Variants in RIT1 observed in about 807,000 individuals in gnomAD.
RIT1 encodes the protein Ras like without CAAX 1.
A neutral mutation model predicts 25.6 loss-of-function variants in RIT1; 6 were observed. That is an observed-to-expected ratio of 0.23 (90% confidence interval 0.13 to 0.46). The LOEUF is 0.46. RIT1 is among the 20% of genes least tolerant of loss of function. RIT1 has a pLI of 0.99. For synonymous variants in RIT1, 81 were observed against 94.1 expected, an observed-to-expected ratio of 0.86 and a Z score of 0.80; for missense variants, 219 against 284.4, an observed-to-expected ratio of 0.77 and a Z score of 1.65.
At chr1:155,907,295 A>G (rs186427960) in intron 3 of RIT1, among the ~76,000 whole-genome samples, 2 of 146,798 alleles carry the variant, frequency 1.4e-5, no homozygotes, top group East Asian at 2.0e-4. Context: ...GGCGGAGTGC[A>G]GTGGTGCAAT....
chr1:155,902,785 G>A (rs1673338784), intron 5 of RIT1, among the ~76,000 whole-genome samples: 1 of 152,038 alleles, frequency 6.6e-6, no homozygotes, highest in Admixed American at 6.6e-5. Context: ...AGAGGTTGCA[G>A]TGAGCCTAGA....
At chr1:155,905,694 A>G (rs1673422700) in intron 3 of RIT1, among the ~76,000 whole-genome samples, 1 of 152,190 alleles carries the variant, frequency 6.6e-6, no homozygotes, top group Non-Finnish European at 1.5e-5. Flanking sequence ...TGAAAATATT[A>G]ATGTCTTCTC....
intron 3 of RIT1, among the ~76,000 whole-genome samples, chr1:155,905,090 T>C (rs1673408402): frequency 6.6e-6 from 1 of 152,164 alleles, no homozygotes; most frequent in Non-Finnish European, 1.5e-5. Context: ...TTAGGCTATC[T>C]GGGCACAGTG....
chr1:155,898,778 G>T lies in RIT1; in HGVS notation c.*1610C>A. 5.2e-6 allele frequency: 1 copy of T among 191,222 alleles called. No individual in the cohort carries two copies. The highest frequency in any genetic ancestry group is 2.3e-5 in the African/African-American group (1 of 43,012). 11.8% of individuals were successfully genotyped at this position (191,222 alleles called of 1,614,324 possible). A position where few individuals can be genotyped will look rare whatever the true frequency, so the allele number is the denominator to read the frequency against. On this transcript the variant is annotated 3_prime_UTR_variant, in exon 6 of 6. Transcript: ENST00000368323. ...TGGATGGCTGAGTACCATAAAACATGATTTATTTGGTAACAAAAATGTTTC... is the reference window on the plus strand; with the variant it reads ...TGGATGGCTGAGTACCATAAAACATTATTTATTTGGTAACAAAAATGTTTC...
intron 5 of RIT1, 111 bp from the exon 6 acceptor site, chr1:155,900,729 TTC>T: frequency 1.2e-6 from 1 of 826,052 alleles, no homozygotes; most frequent in Middle Eastern, 2.3e-4. Context: ...TCTGGAGGTG[TTC>T]AAGCATACAG....
At chr1:155,910,174 C>T (rs894679967) in intron 3 of RIT1, 2 of 344,656 alleles carry the variant, frequency 5.8e-6, no homozygotes, top group Admixed American at 4.5e-5. Context: ...GAAAAGGCTT[C>T]GTTAAGTGGC....
rs1210801618 is a variant in RIT1, at chr1:155,899,526, G to A, written c.*862C>T. 4.5e-6 allele frequency: 1 copy of A among 223,952 alleles called. No homozygotes were observed. Among genetic ancestry groups the A allele is most frequent in the Admixed American group, 5.7e-5 (1 of 17,432 alleles). The allele number at this position is 223,952 out of a possible 1,614,324, so 13.9% of individuals were successfully genotyped here. A position where few individuals can be genotyped will look rare whatever the true frequency, so the allele number is the denominator to read the frequency against. On this transcript the variant is annotated 3_prime_UTR_variant, in exon 6 of 6. Coordinates refer to ENST00000368323, the MANE Select transcript of RIT1 (RefSeq NM_006912.6). Reference sequence around the variant, plus strand: ...AAGCAATGAATATAAATGTGTTGGTGTGTGCGTCTGTGGGGAAAAAATAAA... The same window carrying A: ...AAGCAATGAATATAAATGTGTTGGTATGTGCGTCTGTGGGGAAAAAATAAA...
In RIT1 at chr1:155,910,734, T is replaced by C. The variant is rs745465435; in HGVS notation, c.28A>G (p.Ser10Gly). The change falls in exon 2 of 6, where the codon AGC becomes GGC. Residue 10 changes from serine to glycine, a missense_variant. By Grantham distance (56) the Ser-to-Gly change is moderately conservative. This residue lies in a region of RIT1 where 131 missense variants were observed against 173.6 expected (regional missense o/e 0.75). Transcript: ENST00000368323. The stretch of plus-strand genomic sequence containing the variant: ...AGCCCAGCGGGGCTGCTACAGCAGC[T>C]ACCAACTGGGCGAGTTCCAGAATCC... MDSGTRPVGSCCSSPAGLSR... is the reference protein window; with the variant it reads MDSGTRPVGGCCSSPAGLSR... 7 of 1,614,254 alleles carry C rather than the reference T, an allele frequency of 4.3e-6. No homozygotes were observed. The East Asian group carries it at 6.7e-5, about 15-fold the overall frequency.
intron 5 of RIT1, among the ~76,000 whole-genome samples, chr1:155,900,826 T>A (rs1485695218): frequency 6.7e-6 from 1 of 149,314 alleles, no homozygotes; most frequent in Non-Finnish European, 1.5e-5. Flanking sequence ...TCTAGTCTAC[T>A]TTTTTTTTTG....
At position 155,899,866 on chromosome 1, in the gene RIT1, T is replaced by C. The variant is rs913805033; in HGVS notation, c.*522A>G. ...AACTTTCCCAAATCTCACCACTCCA[T>C]AGTCTGCAACAGGTGTCAGCCTCAC... On this transcript the variant is annotated 3_prime_UTR_variant, in exon 6 of 6. Transcript: ENST00000368323. 11 of 215,744 alleles carry C rather than the reference T, an allele frequency of 5.1e-5. No individual in the cohort carries two copies. Among genetic ancestry groups the C allele is most frequent in the Admixed American group, 1.6e-4 (3 of 18,184 alleles). 13.4% of individuals were successfully genotyped at this position (215,744 alleles called of 1,614,324 possible).
At chr1:155,902,575 C>T (rs548567581) in intron 5 of RIT1, among the ~76,000 whole-genome samples, 1 of 151,770 alleles carries the variant, frequency 6.6e-6, no homozygotes, top group Non-Finnish European at 1.5e-5. Context: ...GGTGTGGTGG[C>T]TCACATCTAT....
rs1330905923 is a variant in RIT1, at chr1:155,906,786, A to T, written c.164-1982T>A. Among the ~76,000 whole-genome samples the T allele has an allele frequency of 5.4e-5, 8 of 148,466 alleles. No individual in the cohort carries two copies. The East Asian group carries it at 7.8e-4, about 15-fold the overall frequency. ...TCAAAAAAAAAAAAAAAAAAAAAAG[A>T]AAAAAAGAAAAAAAAAGAAAGAAAA... On this transcript the variant is annotated intron_variant, in intron 3 of 5. Coordinates refer to ENST00000368323, the MANE Select transcript of RIT1 (RefSeq NM_006912.6).
At chr1:155,907,439 T>C (rs1439575772) in intron 3 of RIT1, among the ~76,000 whole-genome samples, 1 of 152,018 alleles carries the variant, frequency 6.6e-6, no homozygotes. Context: ...GATGGGGTTT[T>C]ACCATGTTGG....
At position 155,910,458 on chromosome 1, in the gene RIT1, G is replaced by A. The variant is rs1673568262; in HGVS notation, c.155C>T (p.Pro52Leu). ...GTGATGATCTGGCTTACCAATGGTG[G>A]GATCATGATCTTCTGGGAATCGGTG... ...ISHRFPEDHD[P>L]TIEDAYKIRI... is the part of the protein sequence containing the mutation. The change falls in exon 3 of 6, where the codon CCC becomes CTC. Residue 52 changes from proline (P) to leucine (L), a missense_variant. By Grantham distance (98) the Pro-to-Leu change is moderately conservative (BLOSUM62 -3). Transcript: ENST00000368323. The A allele has an allele frequency of 6.2e-7, 1 of 1,613,528 alleles. No homozygotes were observed. The highest frequency in any genetic ancestry group is 1.7e-5 in the Admixed American group (1 of 59,982).
chr1:155,906,730 A>T (rs1053364542), intron 3 of RIT1, among the ~76,000 whole-genome samples: 1 of 141,836 alleles, frequency 7.1e-6, no homozygotes, highest in African/African-American at 2.7e-5. Flanking sequence ...ACTGGACTCT[A>T]GCCTGGGCAA....
At chr1:155,904,861 T>C in intron 3 of RIT1, 57 bp from the exon 4 acceptor site, 1 of 1,145,378 alleles carries the variant, frequency 8.7e-7, no homozygotes, top group Non-Finnish European at 1.3e-6. Flanking sequence ...GAAATGCCTA[T>C]TTAAAACTCA....
chr1:155,900,453 G>A lies in RIT1; in HGVS notation c.595C>T (p.Pro199Ser). The A allele has an allele frequency of 1.2e-6, 2 of 1,614,046 alleles. No homozygotes were observed. ...AGCCTCTTCCATACACTGTTTTTGG[G>A]CTTAGATTTTTTCTCCATGGCCAGT... ...AVLAMEKKSK[P>S]KNSVWKRLKS... Residue 199 changes from proline to serine, a missense_variant, in exon 6 of 6, where the codon CCC (proline) becomes TCC (serine). Pro to Ser is a moderately conservative substitution (Grantham distance 74). This residue lies in a region of RIT1 where 81 missense variants were observed against 83.8 expected (regional missense o/e 0.97). Coordinates refer to ENST00000368323, the MANE Select transcript of RIT1 (RefSeq NM_006912.6).
At chr1:155,910,527 G>C (rs1673570637) in intron 2 of RIT1, 21 bp from the exon 3 acceptor site, 1 of 1,613,608 alleles carries the variant, frequency 6.2e-7, no homozygotes, top group Non-Finnish European at 8.5e-7. Context: ...AGAAATAAAA[G>C]TCAAATCCTC....
intron 5 of RIT1, among the ~76,000 whole-genome samples, chr1:155,903,096 G>A (rs1454715450): frequency 6.6e-6 from 1 of 151,992 alleles, no homozygotes; most frequent in African/African-American, 2.4e-5. Flanking sequence ...AGGAGATCGA[G>A]ACCATCCTGG....
Sources: allele counts gnomAD v4.1 joint callset (sites outside exome capture counted in the v4.1 genomes callset), GRCh38; gene constraint gnomAD v4.1.1; regional missense constraint gnomAD v4.1.1; transcripts MANE v1.5; gene names NCBI Gene and HGNC (gene_info 2026-07-23, HGNC 2026-07-21).